Variants in HAS3 observed in about 807,000 individuals in gnomAD.
HAS3 encodes hyaluronan synthase 3.
Under a neutral mutation model 50.3 loss-of-function variants are expected in HAS3, and 27 were observed. That is an observed-to-expected ratio of 0.54 (90% CI 0.40 to 0.74). HAS3 has a LOEUF of 0.74. Ranked by LOEUF, HAS3 falls within the 30% of genes least tolerant of loss-of-function variation. The pLI is 0.00. For missense variants in HAS3, 517 were observed against 742.8 expected, an observed-to-expected ratio of 0.70 and a Z score of 3.53; for synonymous variants, 339 against 310.9, an observed-to-expected ratio of 1.09 and a Z score of -0.95.
the HAS3 span, among the ~76,000 whole-genome samples, chr16:69,087,511 C>T: frequency 6.6e-4 from 100 of 151,836 alleles, no homozygotes; most frequent in Non-Finnish European, 1.2e-3. Context: ...CATAATTTCC[C>T]ATATTTCCCA....
chr16:69,094,588 T>C, the HAS3 span, among the ~76,000 whole-genome samples: 1 of 152,136 alleles, frequency 6.6e-6, no homozygotes, highest in Non-Finnish European at 1.5e-5. Context: ...GGGGACTCCA[T>C]TCCCCAAAAG....
the HAS3 span, chr16:69,083,886 T>A: frequency 2.2e-6 from 1 of 454,616 alleles, no homozygotes; most frequent in African/African-American, 2.0e-5. Context: ...AGAAGACAGT[T>A]ACAGATCTCA....
chr16:69,098,662 A>ATTTTTTTTT, the HAS3 span, among the ~76,000 whole-genome samples: 1 of 98,172 alleles, frequency 1.0e-5, no homozygotes, highest in African/African-American at 4.1e-5. Context: ...ATCAAACCTG[A>ATTTTTTTTT]TTTTTTTTTT....
rs151215377 is a variant in HAS3, at chr16:69,109,782, C to T, written c.387C>T (p.Asp129=). ...TGGTGGATGGCAACCGCCAGGAGGACGCCTACATGCTGGACATCTTCCACG... is the reference window on the plus strand; with the variant it reads ...TGGTGGATGGCAACCGCCAGGAGGATGCCTACATGCTGGACATCTTCCACG... The part of the protein sequence containing the change: ...VMVVDGNRQE[D]AYMLDIFHEV... The change falls in exon 2 of 4, where the codon GAC becomes GAT. Residue 129 remains aspartate, a synonymous_variant. Coordinates refer to ENST00000569188, the MANE Select transcript of HAS3 (RefSeq NM_001199280.2). This position sits in a 1 kb window ranked among gnomAD's most constrained non-coding sequence, Gnocchi z 5.3. 753 of 1,611,942 alleles carry T rather than the reference C, an allele frequency of 4.7e-4. 4 individuals are homozygous for T. The African/African-American group carries it at 8.2e-3, about 17-fold the overall frequency.
In HAS3 at chr16:69,117,012, C is replaced by T. The variant is rs948259499; in HGVS notation, c.*1746C>T. 4 of 985,318 alleles carry T rather than the reference C, an allele frequency of 4.1e-6. No homozygotes were observed. Among genetic ancestry groups the T allele is most frequent in the Non-Finnish European group, 4.8e-6 (4 of 829,916 alleles). The allele number at this position is 985,318 out of a possible 1,614,324, so 61.0% of individuals were successfully genotyped here. ...ATCTCCCACGAACTCAAGGGTTTTCCAGGTGTAGCTAACAGTTGCCACATC... is the reference window on the plus strand; with the variant it reads ...ATCTCCCACGAACTCAAGGGTTTTCTAGGTGTAGCTAACAGTTGCCACATC... On this transcript the variant is annotated 3_prime_UTR_variant, in exon 4 of 4. Transcript: ENST00000569188.
intron 2 of HAS3, among the ~76,000 whole-genome samples, chr16:69,112,952 G>A (rs973058637): frequency 3.9e-5 from 6 of 152,224 alleles, no homozygotes; most frequent in African/African-American, 1.2e-4. Context: ...TCTCATAGAG[G>A]TGCCTGCAAG....
upstream of HAS3, among the ~76,000 whole-genome samples, chr16:69,101,411 G>A (rs1298297759): frequency 2.0e-5 from 3 of 150,168 alleles, no homozygotes; most frequent in Non-Finnish European, 3.0e-5. Flanking sequence ...AGGGATTCTC[G>A]TGCCTTAGCC....
At chr16:69,111,380 G>C (rs1341540796) in intron 2 of HAS3, among the ~76,000 whole-genome samples, 2 of 152,046 alleles carry the variant, frequency 1.3e-5, no homozygotes, top group African/African-American at 4.8e-5. Context: ...CCTAGGCCAG[G>C]ATTCTTGATG....
rs758255187 is a variant in HAS3 at position 69,114,479 on chromosome 16, A to G, written c.875A>G (p.Asn292Ser). The stretch of plus-strand genomic sequence containing the variant: ...AGTGGGCCCTTGGGCATGTACCGCA[A>G]CAGCCTCCTCCAGCAGTTCCTGGAG... ...CISGPLGMYR[N>S]SLLQQFLEDW... is the part of the protein sequence containing the mutation. Residue 292 changes from asparagine to serine, a missense_variant, in exon 4 of 4, where the codon AAC becomes AGC. Physicochemically the swap from Asn to Ser is conservative, Grantham distance 46. Transcript: ENST00000569188. The surrounding 1 kb of genome is among the most constrained non-coding windows in gnomAD (Gnocchi z 6.4). 6 of 1,614,070 alleles carry G rather than the reference A, an allele frequency of 3.7e-6. No individual in the cohort carries two copies. The South Asian group carries it at 6.6e-5, about 18-fold the overall frequency.
chr16:69,110,067 GA>G (rs1221859152), intron 2 of HAS3, 36 bp downstream of exon 2: 21 of 1,562,356 alleles, frequency 1.3e-5, no homozygotes, highest in Non-Finnish European at 1.7e-5. Context: ...TGTACATGGG[GA>G]TAAGTCTGGA....
downstream of HAS3, chr16:69,118,127 A>AAAT: frequency 7.2e-6 from 1 of 138,046 alleles, no homozygotes; most frequent in South Asian, 6.3e-5. Context: ...TTCATCCCCC[A>AAAT]CCCCCACCCT....
rs1435632251 is a variant in HAS3, at chr16:69,115,775, T to C, written c.*509T>C. 75 of 985,978 alleles carry C rather than the reference T, an allele frequency of 7.6e-5. No individual in the cohort carries two copies. The highest frequency in any genetic ancestry group is 9.0e-5 in the Non-Finnish European group (75 of 830,314). The allele number at this position is 985,978 out of a possible 1,614,324, so 61.1% of individuals were successfully genotyped here. On this transcript the variant is annotated 3_prime_UTR_variant, in exon 4 of 4. Coordinates refer to ENST00000569188, the MANE Select transcript of HAS3 (RefSeq NM_001199280.2). ...CAATGCAATAAGATTGCGCCTGAGA[T>C]ACAAGGCCCAGAAGCCTGATCTTTG...
rs761290982 is a variant in HAS3, at chr16:69,113,465, G to C, written c.661G>C (p.Asp221His). Residue 221 changes from aspartate to histidine, a missense_variant, in exon 3 of 4, where the codon GAT becomes CAT. Transcript: ENST00000569188. ...GGTGTGCGACTCTGACACTGTGCTG[G>C]ATCCAGCCTGCACCATCGAGATGCT... ...IQVCDSDTVLDPACTIEMLRV... is the reference protein window; with the variant it reads ...IQVCDSDTVLHPACTIEMLRV... 8 of 1,613,738 alleles carry C rather than the reference G, an allele frequency of 5.0e-6. No individual in the cohort carries two copies. Among genetic ancestry groups the C allele is most frequent in the Middle Eastern group, 1.6e-4 (1 of 6,084 alleles).
In HAS3 at chr16:69,110,001, G is replaced by C. The variant is rs762244905; in HGVS notation, c.606G>C (p.Lys202Asn). ...GKREVMYTAF[K>N]ALGDSVDYIQ... ...GCGAGGTCATGTACACGGCCTTCAA[G>C]GCCCTCGGCGATTCGGTGGACTACA... Residue 202 changes from lysine (K) to asparagine (N), a missense_variant, in exon 2 of 4, where the codon AAG becomes AAC. Coordinates refer to ENST00000569188, the MANE Select transcript of HAS3 (RefSeq NM_001199280.2). 5 of 1,609,362 alleles carry C rather than the reference G, an allele frequency of 3.1e-6. No homozygotes were observed. The South Asian group carries it at 3.3e-5, about 11-fold the overall frequency.
Position 69,109,655 on chromosome 16 carries a change from T to C in HAS3, c.260T>C (p.Val87Ala), listed in dbSNP as rs1171292160. The C allele has an allele frequency of 6.2e-7, 1 of 1,610,066 alleles. No homozygotes were observed. Among genetic ancestry groups the C allele is most frequent in the Non-Finnish European group, 8.5e-7 (1 of 1,179,782 alleles). Residue 87 changes from valine to alanine, a missense_variant, in exon 2 of 4, where the codon GTG (valine) becomes GCG (alanine). Physicochemically the swap from Val to Ala is moderately conservative, Grantham distance 64. Transcript: ENST00000569188. The surrounding 1 kb of genome is among the most constrained non-coding windows in gnomAD (Gnocchi z 5.3). ...CTGCCCTCCCCGCGGCGGGGCTCGG[T>C]GGCACTGTGCATTGCCGCATACCAG... The part of the protein sequence containing the change: ...LKLPSPRRGS[V>A]ALCIAAYQED...
upstream of HAS3, among the ~76,000 whole-genome samples, chr16:69,104,992 GTTTTTTT>G (rs565397720): frequency 1.7e-4 from 14 of 81,980 alleles, no homozygotes; most frequent in South Asian, 5.4e-4. Context: ...CTGTTTTTTG[GTTTTTTT>G]TTTTTTTTTT....
At chr16:69,086,337 T>A in the HAS3 span, among the ~76,000 whole-genome samples, 1 of 151,180 alleles carries the variant, frequency 6.6e-6, no homozygotes, top group Non-Finnish European at 1.5e-5. Flanking sequence ...CCTGGCTAAT[T>A]TTTTTTTGTA....
chr16:69,115,089 G>A lies in HAS3; in HGVS notation c.1485G>A (p.Leu495=). The change falls in exon 4 of 4, where the codon CTG becomes CTA. Residue 495 remains leucine (L), a synonymous_variant. Coordinates refer to ENST00000569188, the MANE Select transcript of HAS3 (RefSeq NM_001199280.2). ...GGGTGGCAGTTCTCCTGGGAGGGCT[G>A]GCCTACACAGCTTATTGCCAGGACC... is the stretch of plus-strand genomic sequence containing the variant. The part of the protein sequence containing the change: ...SIWVAVLLGG[L]AYTAYCQDLF... 1 of 1,613,052 alleles carries A rather than the reference G, an allele frequency of 6.2e-7. No individual in the cohort carries two copies. The highest frequency in any genetic ancestry group is 1.3e-5 in the African/African-American group (1 of 75,010).
At chr16:69,093,593 T>C in the HAS3 span, among the ~76,000 whole-genome samples, 1 of 138,054 alleles carries the variant, frequency 7.2e-6, no homozygotes, top group Non-Finnish European at 1.5e-5. Flanking sequence ...TGCAATGACA[T>C]GATCTCGGCT....
Sources: gnomAD v4.1 joint callset for allele counts (sites outside exome capture counted in the v4.1 genomes callset) on GRCh38, gnomAD v4.1.1 for gene constraint, Gnocchi (gnomAD v3.1) non-coding constraint, MANE v1.5 for transcripts, NCBI Gene and HGNC (gene_info 2026-07-23, HGNC 2026-07-21) for gene names.